Variants in COL18A1 observed in about 807,000 individuals in gnomAD.
COL18A1 encodes the protein collagen type XVIII alpha 1 chain, also known as collagen alpha-1(XVIII) chain.
A neutral mutation model predicts 168.0 loss-of-function variants in COL18A1; 133 were observed. The ratio of observed to expected loss-of-function variants is 0.79; its 90% CI spans 0.69 to 0.91. The LOEUF is 0.91. COL18A1 is among the 40% of genes least tolerant of loss of function. COL18A1 has a pLI of 0.00. For missense variants in COL18A1, 2,126 were observed against 1,925.4 expected (o/e 1.10, Z -1.95); for synonymous variants, 949 against 809.0 (o/e 1.17, Z -2.94).
intron 2 of COL18A1, among the ~76,000 whole-genome samples, chr21:45,417,561 T>C (rs1364534461): frequency 6.6e-6 from 1 of 152,188 alleles, no homozygotes; most frequent in South Asian, 2.1e-4. Context: ...CTCTGTGGCA[T>C]TTCTAGGACC....
Position 45,496,371 on chromosome 21 carries a change from C to T in COL18A1, c.2509-129C>T, listed in dbSNP as rs568204969. 3.3e-5 allele frequency: 25 copies of T among 757,364 alleles called. No individual in the cohort carries two copies. In the Middle Eastern group the frequency reaches 6.8e-4, roughly 21 times the overall value. The allele number at this position is 757,364 out of a possible 1,614,324, so 46.9% of individuals were successfully genotyped here. A position where few individuals can be genotyped will look rare whatever the true frequency, so the allele number is the denominator to read the frequency against. On this transcript the variant is annotated intron_variant, in intron 29 of 41. Coordinates refer to ENST00000651438, the MANE Select transcript of COL18A1 (RefSeq NM_001379500.1). ...TGGCCCGAGTGACCCACTGCATTCT[C>T]GGTTTTGCCTGGTCAGAGGTCTGCC... is the stretch of plus-strand genomic sequence containing the variant.
chr21:45,485,988 G>A (rs1388973255), intron 15 of COL18A1, among the ~76,000 whole-genome samples: 1 of 152,204 alleles, frequency 6.6e-6, no homozygotes, highest in Non-Finnish European at 1.5e-5. Context: ...GGAGCTTGTG[G>A]CTGCGAGGAG....
Position 45,480,419 on chromosome 21 carries a change from CG to C in COL18A1, c.1399-42del, listed in dbSNP as rs757580765. ...GGGCAGGGGCCAGGAGTAGGCCAGG[CG>C]GGGGGCCGAGCTCAGGGCAACGTGT... is the stretch of plus-strand genomic sequence containing the variant. On this transcript the variant is annotated intron_variant, in intron 11 of 41. Transcript: ENST00000651438. The C allele has an allele frequency of 4.3e-6, 7 of 1,613,604 alleles. No homozygotes were observed. In the Admixed American group the frequency reaches 5.0e-5, roughly 12 times the overall value.
rs769211236 is a variant in COL18A1, at chr21:45,468,680, A to C, written c.545A>C (p.Glu182Ala). 1 of 1,613,814 alleles carries C rather than the reference A, an allele frequency of 6.2e-7. No homozygotes were observed. Among genetic ancestry groups the C allele is most frequent in the Middle Eastern group, 1.7e-4 (1 of 6,058 alleles). ...GTGGCCCTCTACGTGGACTGTGAGG[A>C]GTTCCAGAGAATGCCGCTTGCTCGG... ...GFVALYVDCE[E>A]FQRMPLARSS... The change falls in exon 3 of 42, where the codon GAG becomes GCG. Residue 182 changes from glutamate to alanine, a missense_variant. Physicochemically the swap from Glu to Ala is moderately radical, Grantham distance 107 (BLOSUM62 -1). Coordinates refer to ENST00000651438, the MANE Select transcript of COL18A1 (RefSeq NM_001379500.1).
At chr21:45,476,771 TTGTG>T (rs551882935) in intron 6 of COL18A1, among the ~76,000 whole-genome samples, 10 of 146,748 alleles carry the variant, frequency 6.8e-5, no homozygotes, top group African/African-American at 2.5e-4. Flanking sequence ...GGTGTGTGTA[TTGTG>T]TGTGGTGTGG....
chr21:45,431,378 C>T (rs1276839583), intron 2 of COL18A1, among the ~76,000 whole-genome samples: 2 of 140,382 alleles, frequency 1.4e-5, no homozygotes, highest in Non-Finnish European at 3.1e-5. Context: ...AGGCAGGACC[C>T]GGCGGCCCAG....
At chr21:45,497,200 G>A (rs910107559) in intron 31 of COL18A1, 108 bp downstream of exon 31, 55 of 805,728 alleles carry the variant, frequency 6.8e-5, no homozygotes, top group Middle Eastern at 2.8e-4. Flanking sequence ...GTGGCCCAAG[G>A]CCAGTGCTAC....
At chr21:45,502,315 GAGA>G (rs1251009553) in intron 32 of COL18A1, among the ~76,000 whole-genome samples, 3 of 152,228 alleles carry the variant, frequency 2.0e-5, no homozygotes, top group African/African-American at 4.8e-5. Flanking sequence ...ACAGTCACAG[GAGA>G]AGGTTTGCCC....
chr21:45,489,671 G>A, intron 19 of COL18A1, 150 bp downstream of exon 19: 1 of 632,780 alleles, frequency 1.6e-6, no homozygotes, highest in Non-Finnish European at 2.7e-6. Context: ...TGGTTTCAAA[G>A]GCAACCCCCA....
At chr21:45,494,521 C>T (rs759921462) in intron 26 of COL18A1, 24 bp from the exon 27 acceptor site, 1 of 1,613,442 alleles carries the variant, frequency 6.2e-7, no homozygotes, top group South Asian at 1.1e-5. Flanking sequence ...CCACCTAACC[C>T]TGTCTTCTTG....
At position 45,483,171 on chromosome 21, in the gene COL18A1, C is replaced by A. The variant is rs144335345; in HGVS notation, c.1701+350C>A. On this transcript the variant is annotated intron_variant, in intron 15 of 41. Transcript: ENST00000651438. ...GCTCCAGGAGCTTTGGGAGGAGGGG[C>A]TGGGCCACAGCAGGTGGAGAGGCTG... Among the ~76,000 whole-genome samples, 57 of 152,364 alleles carry A rather than the reference C, an allele frequency of 3.7e-4. 1 individual carries two copies. The East Asian group carries it at 0.011, about 29-fold the overall frequency.
chr21:45,507,988 A>G (rs2037323814), intron 38 of COL18A1, among the ~76,000 whole-genome samples: 1 of 152,176 alleles, frequency 6.6e-6, no homozygotes, highest in South Asian at 2.1e-4. Context: ...TGGGTGAATC[A>G]ATGGGGAGGT....
Position 45,425,939 on chromosome 21 carries a change from G to T in COL18A1, c.106+20466G>T, listed in dbSNP as rs1378069100. On this transcript the variant is annotated intron_variant, in intron 2 of 41. Transcript: ENST00000651438. The surrounding 1 kb of genome is among the most constrained non-coding windows in gnomAD (Gnocchi z 4.1). ...GAGGCCTCATCCCTGCATCCCTGTTGCTTCTTTCATGTGGGATGAGAACCC... is the reference window on the plus strand; with the variant it reads ...GAGGCCTCATCCCTGCATCCCTGTTTCTTCTTTCATGTGGGATGAGAACCC... 6.6e-6 allele frequency among the ~76,000 whole-genome samples: 1 copy of T among 152,120 alleles called. No individual in the cohort carries two copies. Among genetic ancestry groups the T allele is most frequent in the Non-Finnish European group, 1.5e-5 (1 of 68,018 alleles).
rs9979601 is a variant in COL18A1, at chr21:45,479,764, G to T, written c.1249-138G>T. On this transcript the variant is annotated intron_variant, in intron 9 of 41. Coordinates refer to ENST00000651438, the MANE Select transcript of COL18A1 (RefSeq NM_001379500.1). ...ACAGTCTGCTGGGCCTGGCGCCCTC[G>T]TACTTTCCGGGCCCCAGAGACTCCC... is the stretch of plus-strand genomic sequence containing the variant. 1.5e-5 allele frequency: 19 copies of T among 1,257,564 alleles called. No homozygotes were observed. In the Admixed American group the frequency reaches 3.5e-4, roughly 23 times the overall value. 77.9% of individuals were successfully genotyped at this position (1,257,564 alleles called of 1,614,324 possible). A position where few individuals can be genotyped will look rare whatever the true frequency, so the allele number is the denominator to read the frequency against.
At chr21:45,507,724 C>A in intron 38 of COL18A1, 131 bp downstream of exon 38, 1 of 870,570 alleles carries the variant, frequency 1.1e-6, no homozygotes, top group Non-Finnish European at 1.9e-6. Flanking sequence ...ACCATCAGCC[C>A]CTGCTGCAGA....
rs1420428591 is a variant in COL18A1, at chr21:45,493,625, G to A, written c.2352+50G>A. ...GGCAGGCGTGGGGGCTCCTGGGGCT[G>A]TGGAGACAGCCTGGGGAGGGTCTTC... On this transcript the variant is annotated intron_variant, in intron 26 of 41. Coordinates refer to ENST00000651438, the MANE Select transcript of COL18A1 (RefSeq NM_001379500.1). 2.2e-6 allele frequency: 3 copies of A among 1,380,106 alleles called. No homozygotes were observed. In the Admixed American group the frequency reaches 5.9e-5, roughly 27 times the overall value. 85.5% of individuals were successfully genotyped at this position (1,380,106 alleles called of 1,614,324 possible).
chr21:45,437,171 C>T (rs1286485961), intron 2 of COL18A1, among the ~76,000 whole-genome samples: 3 of 106,116 alleles, frequency 2.8e-5, no homozygotes, highest in East Asian at 2.8e-4. Flanking sequence ...CAGGCACTCT[C>T]CTGCACACAC....
rs1452110458 is a variant in COL18A1, at chr21:45,505,905, T to C, written c.3155T>C (p.Ile1052Thr). The change falls in exon 37 of 42, where the codon ATC becomes ACC. Residue 1052 changes from isoleucine to threonine, a missense_variant. Transcript: ENST00000651438. ...CACGAGGTTCCCGAGGGCTGGCTCA[T>C]CTTCGTGGCCGAGCAGGAGGAGCTC... is the stretch of plus-strand genomic sequence containing the variant. ...QVHEVPEGWL[I>T]FVAEQEELYV... 2 of 1,612,732 alleles carry C rather than the reference T, an allele frequency of 1.2e-6. No individual in the cohort carries two copies. The highest frequency in any genetic ancestry group is 2.2e-5 in the South Asian group (2 of 91,084).
intron 32 of COL18A1, among the ~76,000 whole-genome samples, chr21:45,500,117 CAGTGTGGG>C (rs1304998509): frequency 1.8e-5 from 2 of 109,130 alleles, no homozygotes; most frequent in African/African-American, 7.5e-5. Flanking sequence ...TGAGTGTGTG[CAGTGTGGG>C]GGTGTGGGTG....
Sources: gnomAD v4.1 joint callset for allele counts (sites outside exome capture counted in the v4.1 genomes callset) on GRCh38, gnomAD v4.1.1 for gene constraint, Gnocchi (gnomAD v3.1) non-coding constraint, MANE v1.5 for transcripts, NCBI Gene and HGNC (gene_info 2026-07-23, HGNC 2026-07-21) for gene names.